PKD1L3: variants seen among roughly 807,000 people sequenced by gnomAD.
PKD1L3 encodes the protein polycystin-1-like protein 3.
A neutral mutation model predicts 184.1 loss-of-function variants in PKD1L3; 239 were observed. The observed-to-expected ratio is 1.30, with a 90% CI of 1.17 to 1.45. The LOEUF (loss-of-function observed/expected upper bound fraction) is 1.45, where lower values mean the gene tolerates loss of function less well. PKD1L3 is among the 40% of genes most tolerant of loss of function. The pLI is 0.00. For missense variants in PKD1L3, 2,660 were observed against 2,067.2 expected (o/e 1.29, Z -5.56); for synonymous variants, 996 against 778.8 (o/e 1.28, Z -4.64).
chr16:71,933,328 G>C lies in PKD1L3; in HGVS notation c.4926+92C>G, dbSNP rs896399571. On this transcript the variant is annotated intron_variant, in intron 28 of 29. Transcript: ENST00000620267. The stretch of plus-strand genomic sequence containing the variant: ...AATTTTCCCCCTTTTCCAGTGTGCA[G>C]TGTACAGTAGGGGGCTGTTTTCATA... 82 of 901,850 alleles carry C rather than the reference G, an allele frequency of 9.1e-5. 1 individual carries two copies. In the Middle Eastern group the frequency reaches 3.4e-3, roughly 38 times the overall value. The allele number at this position is 901,850 out of a possible 1,614,324, so 55.9% of individuals were successfully genotyped here.
chr16:71,945,287 TATATATATATATATATATAC>T (rs1238698990), intron 22 of PKD1L3, among the ~76,000 whole-genome samples: 17 of 60,652 alleles, frequency 2.8e-4, no homozygotes, highest in African/African-American at 1.4e-3. Context: ...TATATATATA[TATATATATATATATATATAC>T]ACACACACAC....
rs144837077 is a variant in PKD1L3, at chr16:71,964,941, G to C, written c.2466-1590C>G. Among the ~76,000 whole-genome samples the C allele has an allele frequency of 2.7e-3, 409 of 151,314 alleles. 3 individuals carry two copies. Among genetic ancestry groups the C allele is most frequent in the African/African-American group, 9.5e-3 (392 of 41,154 alleles). On this transcript the variant is annotated intron_variant, in intron 15 of 29. Transcript: ENST00000620267. The stretch of plus-strand genomic sequence containing the variant: ...GGCTCACTGCAACCTCCACCTCTTG[G>C]GCTCAAGTGATTCTCCCGCCTCAGC...
chr16:71,997,229 G>A lies in PKD1L3; in HGVS notation c.418+1043C>T, dbSNP rs183380864. Among the ~76,000 whole-genome samples, 468 of 151,948 alleles carry A rather than the reference G, an allele frequency of 3.1e-3. 3 individuals carry two copies. The highest frequency in any genetic ancestry group is 5.3e-3 in the Non-Finnish European group (360 of 67,964). Reference sequence around the variant, plus strand: ...TATACATAGTTTTACGTGAGCACAGGTTTTCTCATTCTGCGATAAATGCCC... The same window carrying A: ...TATACATAGTTTTACGTGAGCACAGATTTTCTCATTCTGCGATAAATGCCC... On this transcript the variant is annotated intron_variant, in intron 2 of 29. Transcript: ENST00000620267.
In PKD1L3 at chr16:71,931,239, G is replaced by C. The variant is rs116388043; in HGVS notation, c.4927-1056C>G. ...TACTTCCTTCACAGCTTTAGGATAC[G>C]AAGTGCTGCAGTGGCAAAGGCTCAT... On this transcript the variant is annotated intron_variant, in intron 28 of 29. Transcript: ENST00000620267. The C allele has an allele frequency of 5.3e-5, 8 of 152,186 alleles. 1 individual carries two copies. In the East Asian group the frequency reaches 1.4e-3, roughly 26 times the overall value. 9.4% of individuals were successfully genotyped at this position (152,186 alleles called of 1,614,324 possible).
At position 71,977,414 on chromosome 16, in the gene PKD1L3, C is replaced by T; in HGVS notation, c.1581G>A (p.Met527Ile). 5.8e-6 allele frequency: 9 copies of T among 1,551,576 alleles called. No individual in the cohort carries two copies. The highest frequency in any genetic ancestry group is 7.8e-6 in the Non-Finnish European group (9 of 1,146,940). ...CTGTGATTGTAAGCTGATGTGTGCTCATGTTGAGGCTGGTGGGATGGGTTT... is the reference window on the plus strand; with the variant it reads ...CTGTGATTGTAAGCTGATGTGTGCTTATGTTGAGGCTGGTGGGATGGGTTT... The part of the protein sequence containing the change: ...SLETHPTSLN[M>I]STHQLTITVN... Residue 527 changes from methionine (M) to isoleucine (I), a missense_variant, in exon 11 of 30, where the codon ATG (methionine) becomes ATA (isoleucine). By Grantham distance (10) the Met-to-Ile change is conservative. Coordinates refer to ENST00000620267, the MANE Select transcript of PKD1L3 (RefSeq NM_181536.2).
chr16:71,937,154 C>G, intron 25 of PKD1L3, 138 bp downstream of exon 25: 2 of 838,462 alleles, frequency 2.4e-6, no homozygotes, highest in South Asian at 1.8e-5. Context: ...CTCCCAGGCT[C>G]AAGCAATTCT....
intron 9 of PKD1L3, 108 bp from the exon 10 acceptor site, chr16:71,978,491 GTGTGTATATATATATATATATA>G: frequency 8.1e-6 from 1 of 123,646 alleles, no homozygotes; most frequent in Non-Finnish European, 1.2e-5. Context: ...GTGTGTGTGT[GTGTGTATATATATATATATATA>G]TATATATACA....
chr16:71,983,979 T>C, intron 6 of PKD1L3, 57 bp downstream of exon 6: 1 of 1,538,636 alleles, frequency 6.5e-7, no homozygotes, highest in South Asian at 1.2e-5. Flanking sequence ...TCTCTTTTTC[T>C]GTTTTCCGCT....
At chr16:71,972,729 G>A (rs541856720) in intron 12 of PKD1L3, among the ~76,000 whole-genome samples, 2 of 152,232 alleles carry the variant, frequency 1.3e-5, no homozygotes, top group East Asian at 3.9e-4. Flanking sequence ...AATCTAGATG[G>A]CACTTTCTCA....
At chr16:71,985,836 G>A (rs1205710553) in intron 5 of PKD1L3, among the ~76,000 whole-genome samples, 1 of 152,180 alleles carries the variant, frequency 6.6e-6, no homozygotes, top group African/African-American at 2.4e-5. Flanking sequence ...CAAATGCTGG[G>A]ATTATAGGCG....
chr16:71,985,937 G>A (rs2040343483), intron 5 of PKD1L3, among the ~76,000 whole-genome samples: 1 of 152,226 alleles, frequency 6.6e-6, no homozygotes, highest in Non-Finnish European at 1.5e-5. Context: ...GAATTGTCTA[G>A]AGGTTTGCTG....
intron 29 of PKD1L3, 60 bp from the exon 30 acceptor site, chr16:71,929,738 G>GT (rs1435911231): frequency 3.2e-5 from 45 of 1,391,026 alleles, no homozygotes; most frequent in Non-Finnish European, 4.1e-5. Flanking sequence ...TAATAGTGGA[G>GT]TAAAAAAAGT....
chr16:71,949,463 C>T (rs1320090652), intron 21 of PKD1L3, among the ~76,000 whole-genome samples: 1 of 151,752 alleles, frequency 6.6e-6, no homozygotes, highest in Admixed American at 6.6e-5. Context: ...GCAATCCTCC[C>T]ACCTTAGACT....
At chr16:71,996,362 G>A (rs2040784223) in intron 2 of PKD1L3, among the ~76,000 whole-genome samples, 1 of 146,382 alleles carries the variant, frequency 6.8e-6, no homozygotes, top group South Asian at 2.2e-4. Context: ...CCCGGTTCAA[G>A]CGATTCTCCT....
intron 25 of PKD1L3, among the ~76,000 whole-genome samples, 198 bp downstream of exon 25, chr16:71,937,094 C>T (rs775208673): frequency 3.3e-5 from 5 of 151,972 alleles, no homozygotes; most frequent in Non-Finnish European, 5.9e-5. Flanking sequence ...CTTGCTCTGT[C>T]GCCCAGGCTG....
At chr16:71,964,373 C>T (rs754668040) in intron 15 of PKD1L3, among the ~76,000 whole-genome samples, 1 of 102,152 alleles carries the variant, frequency 9.8e-6, no homozygotes, top group Non-Finnish European at 1.8e-5. Flanking sequence ...GAGTTTCACT[C>T]TCTTGCACAG....
At position 71,973,319 on chromosome 16, in the gene PKD1L3, C is replaced by T. The variant is rs1032783255; in HGVS notation, c.1953+5G>A. ...AGAGGCCCAAGAAGCGGCTCAGTTTCTTACTTGGCATCCGGCGCTGCTCCA... is the reference window on the plus strand; with the variant it reads ...AGAGGCCCAAGAAGCGGCTCAGTTTTTTACTTGGCATCCGGCGCTGCTCCA... On this transcript the variant is annotated splice_donor_5th_base_variant and intron_variant, in intron 12 of 29. Coordinates refer to ENST00000620267, the MANE Select transcript of PKD1L3 (RefSeq NM_181536.2). 5.2e-6 allele frequency: 8 copies of T among 1,551,288 alleles called. No homozygotes were observed. The highest frequency in any genetic ancestry group is 1.4e-5 in the African/African-American group (1 of 73,036).
At chr16:71,991,079 G>A (rs2040571650) in intron 3 of PKD1L3, 1 of 154,536 alleles carries the variant, frequency 6.5e-6, no homozygotes, top group African/African-American at 2.4e-5. Context: ...AAGGTAAGAT[G>A]ACAGTGATTG....
Position 71,963,210 on chromosome 16 carries a change from G to A in PKD1L3, c.2607C>T (p.Ser869=). The change falls in exon 16 of 30, where the codon TCC becomes TCT. Residue 869 remains serine, a synonymous_variant. Coordinates refer to ENST00000620267, the MANE Select transcript of PKD1L3 (RefSeq NM_181536.2). ...TAGTAATTTTCCAACAGTACCTAAAGGAAAAGAGCTCTCTCTTTGAAACTG... is the reference window on the plus strand; with the variant it reads ...TAGTAATTTTCCAACAGTACCTAAAAGAAAAGAGCTCTCTCTTTGAAACTG... ...FIPVSKRELF[S]FRHLFSSMIV... 6.5e-7 allele frequency: 1 copy of A among 1,548,588 alleles called. No individual in the cohort carries two copies. Among genetic ancestry groups the A allele is most frequent in the Non-Finnish European group, 8.7e-7 (1 of 1,145,572 alleles).
Sources: allele counts gnomAD v4.1 joint callset (sites outside exome capture counted in the v4.1 genomes callset), GRCh38; gene constraint gnomAD v4.1.1; transcripts MANE v1.5; gene names NCBI Gene and HGNC (gene_info 2026-07-23, HGNC 2026-07-21).